NRP1: variants seen among roughly 807,000 people sequenced by gnomAD.
The protein encoded by NRP1 is neuropilin-1.
In NRP1, 35 loss-of-function variants were observed where a neutral mutation model predicts 106.7. That is an observed-to-expected ratio of 0.33 (90% CI 0.25 to 0.43). NRP1 has a LOEUF of 0.43. NRP1 is among the 20% of genes least tolerant of loss of function. The pLI is 1.00. For missense variants in NRP1, 1,024 were observed against 1,170.4 expected (o/e 0.87, Z 1.83); for synonymous variants, 437 against 417.9 (o/e 1.05, Z -0.56).
chr10:33,295,714 A>T (rs1010408268), intron 2 of NRP1, among the ~76,000 whole-genome samples: 30 of 152,198 alleles, frequency 2.0e-4, no homozygotes, highest in Non-Finnish European at 3.2e-4. Flanking sequence ...TCTCAAAAAA[A>T]CAAAAGATTT....
intron 2 of NRP1, among the ~76,000 whole-genome samples, chr10:33,285,950 T>A (rs1049796209): frequency 6.6e-6 from 1 of 152,060 alleles, no homozygotes; most frequent in Non-Finnish European, 1.5e-5. Context: ...CCCGGGTGAG[T>A]ATTCCAAGTC....
At chr10:33,221,231 T>G (rs569971993) in intron 8 of NRP1, among the ~76,000 whole-genome samples, 1 of 152,178 alleles carries the variant, frequency 6.6e-6, no homozygotes, top group East Asian at 1.9e-4. Flanking sequence ...AACAAAGAAA[T>G]AAATAAAACT....
intron 2 of NRP1, among the ~76,000 whole-genome samples, chr10:33,280,642 T>C (rs1311189181): frequency 1.3e-5 from 2 of 152,192 alleles, no homozygotes; most frequent in African/African-American, 4.8e-5. Context: ...TTCCTTCTTA[T>C]TGCTTTAAGT....
intron 13 of NRP1, among the ~76,000 whole-genome samples, chr10:33,188,248 T>C (rs1037672019): frequency 6.6e-6 from 1 of 152,202 alleles, no homozygotes; most frequent in East Asian, 1.9e-4. Flanking sequence ...ATCCCACTTA[T>C]TGAGCTCATT....
chr10:33,300,620 T>C (rs1845736368), intron 2 of NRP1, among the ~76,000 whole-genome samples: 1 of 152,198 alleles, frequency 6.6e-6, no homozygotes. Flanking sequence ...TGGGAACTGC[T>C]CAGGGCAAAC....
intron 13 of NRP1, among the ~76,000 whole-genome samples, chr10:33,188,929 AT>A (rs1836214902): frequency 7.0e-6 from 1 of 142,488 alleles, no homozygotes; most frequent in African/African-American, 2.7e-5. Context: ...ATATATATAT[AT>A]ATATATAAAT....
At chr10:33,219,386 G>A (rs565036227) in intron 8 of NRP1, among the ~76,000 whole-genome samples, 23 of 152,290 alleles carry the variant, frequency 1.5e-4, no homozygotes, top group South Asian at 1.5e-3. Flanking sequence ...CTATCGTAAC[G>A]TGTTAGCCTC....
chr10:33,263,253 T>G (rs867376774), intron 4 of NRP1, among the ~76,000 whole-genome samples: 2 of 152,118 alleles, frequency 1.3e-5, no homozygotes, highest in African/African-American at 4.8e-5. Flanking sequence ...ATAAAATGAG[T>G]GGTTTGATGT....
chr10:33,319,529 T>C (rs1847303331), intron 2 of NRP1, among the ~76,000 whole-genome samples: 1 of 151,824 alleles, frequency 6.6e-6, no homozygotes, highest in Non-Finnish European at 1.5e-5. Flanking sequence ...ACAATAAATC[T>C]TGCTGGTGCT....
At chr10:33,207,534 A>C (rs751097741) in intron 10 of NRP1, 38 bp downstream of exon 10, 8 of 1,610,438 alleles carry the variant, frequency 5.0e-6, no homozygotes, top group Non-Finnish European at 6.8e-6. Flanking sequence ...GAGGAAATTT[A>C]AAAACGCATG....
At chr10:33,236,319 G>A (rs750184925) in intron 6 of NRP1, among the ~76,000 whole-genome samples, 3 of 152,212 alleles carry the variant, frequency 2.0e-5, no homozygotes, top group Non-Finnish European at 4.4e-5. Flanking sequence ...AAAATCTTCC[G>A]GTCAAGAACC....
intron 2 of NRP1, among the ~76,000 whole-genome samples, chr10:33,310,529 G>C (rs896075803): frequency 1.3e-5 from 2 of 152,252 alleles, no homozygotes; most frequent in African/African-American, 4.8e-5. Context: ...AGGATTACAG[G>C]AGTGAGCCAC....
At chr10:33,292,105 A>G (rs993357532) in intron 2 of NRP1, among the ~76,000 whole-genome samples, 1 of 152,110 alleles carries the variant, frequency 6.6e-6, no homozygotes, top group East Asian at 1.9e-4. Flanking sequence ...CATGTTGTCC[A>G]TACTGGTTTT....
chr10:33,271,284 C>A (rs1843296808), intron 2 of NRP1, among the ~76,000 whole-genome samples: 1 of 152,168 alleles, frequency 6.6e-6, no homozygotes, highest in South Asian at 2.1e-4. Context: ...TTGGCTGGAG[C>A]TCTCTATGAA....
In NRP1 at chr10:33,213,467, G is replaced by A; in HGVS notation, c.1533C>T (p.Phe511=). The A allele has an allele frequency of 6.2e-7, 1 of 1,613,950 alleles. No individual in the cohort carries two copies. Among genetic ancestry groups the A allele is most frequent in the Non-Finnish European group, 8.5e-7 (1 of 1,180,008 alleles). ...QGGKHRENKV[F]MRKFKIGYSN... ...TGTACCCGATCTTGAACTTCCTCAT[G>A]AACACCTTGTTCTCTCGGTGCTTCC... The change falls in exon 9 of 17, where the codon TTC becomes TTT. Residue 511 remains phenylalanine, a synonymous_variant. Coordinates refer to ENST00000374867, the MANE Select transcript of NRP1 (RefSeq NM_003873.7).
intron 6 of NRP1, among the ~76,000 whole-genome samples, chr10:33,246,604 A>ACACAC (rs909933543): frequency 9.9e-5 from 15 of 152,082 alleles, no homozygotes; most frequent in Admixed American, 9.8e-4. Flanking sequence ...ACACACACAC[A>ACACAC]CACACAGAGC....
At chr10:33,245,019 C>G (rs945472386) in intron 6 of NRP1, among the ~76,000 whole-genome samples, 6 of 152,062 alleles carry the variant, frequency 3.9e-5, no homozygotes, top group Non-Finnish European at 7.4e-5. Context: ...AATAGGGAAG[C>G]CTAAGATAAA....
At chr10:33,198,462 C>T (rs1046621117) in intron 11 of NRP1, among the ~76,000 whole-genome samples, 5 of 151,990 alleles carry the variant, frequency 3.3e-5, no homozygotes, top group Middle Eastern at 3.2e-3. Flanking sequence ...AAGTAGACAA[C>T]GTATCCTAAC....
At chr10:33,213,832 T>C (rs1838530450) in intron 8 of NRP1, 115 bp from the exon 9 acceptor site, 4 of 818,816 alleles carry the variant, frequency 4.9e-6, no homozygotes, top group African/African-American at 1.7e-5. Context: ...TCATATACAA[T>C]TTTCAGTCTC....
Sources: allele counts gnomAD v4.1 joint callset (sites outside exome capture counted in the v4.1 genomes callset), GRCh38; gene constraint gnomAD v4.1.1; transcripts MANE v1.5; gene names NCBI Gene and HGNC (gene_info 2026-07-23, HGNC 2026-07-21).